Variants in ABCD3 observed in about 807,000 individuals in gnomAD.
ABCD3 encodes the protein ATP binding cassette subfamily D member 3.
ABCD3 carries 41 observed loss-of-function variants against 105.5 expected under a neutral mutation model. That is an observed-to-expected ratio of 0.39 (90% CI 0.30 to 0.50). ABCD3 has a LOEUF of 0.50. Ranked by LOEUF, ABCD3 falls within the 20% of genes least tolerant of loss-of-function variation. ABCD3 has a pLI of 0.84. For missense variants in ABCD3, 622 were observed against 806.3 expected (o/e 0.77, Z 2.77); for synonymous variants, 258 against 269.0 (o/e 0.96, Z 0.40).
chr1:94,436,240 A>AT (rs1659897691), intron 1 of ABCD3, among the ~76,000 whole-genome samples: 1 of 152,202 alleles, frequency 6.6e-6, no homozygotes, highest in Non-Finnish European at 1.5e-5. Context: ...AGATTTCAAG[A>AT]TTTTTTAAAT....
the ABCD3 span, among the ~76,000 whole-genome samples, chr1:94,404,014 G>A: frequency 6.6e-6 from 1 of 152,096 alleles, no homozygotes; most frequent in Non-Finnish European, 1.5e-5. Context: ...ATACCTGTAA[G>A]TACATATACA....
chr1:94,494,853 C>T (rs1557686402), intron 16 of ABCD3, among the ~76,000 whole-genome samples: 1 of 152,006 alleles, frequency 6.6e-6, no homozygotes, highest in Admixed American at 6.6e-5. Context: ...CCAAGGTGGG[C>T]GGATTGCTTG....
At chr1:94,456,468 G>C (rs1322994067) in intron 1 of ABCD3, among the ~76,000 whole-genome samples, 1 of 151,004 alleles carries the variant, frequency 6.6e-6, no homozygotes, top group African/African-American at 2.4e-5. Flanking sequence ...AGTAGAGACA[G>C]AGTTTCACCG....
intron 21 of ABCD3, among the ~76,000 whole-genome samples, chr1:94,512,242 C>A (rs1035512815): frequency 9.2e-5 from 14 of 151,980 alleles, no homozygotes; most frequent in Non-Finnish European, 1.6e-4. Flanking sequence ...TTCTTCTCTT[C>A]TTTCCTCCCT....
the ABCD3 span, among the ~76,000 whole-genome samples, chr1:94,398,777 A>G: frequency 4.4e-3 from 670 of 152,182 alleles, 2 homozygotes; most frequent in African/African-American, 0.015. Flanking sequence ...AGCTGGACAT[A>G]GTGGCGGGCA....
chr1:94,482,900 T>C (rs1413076383), intron 9 of ABCD3: 2 of 415,914 alleles, frequency 4.8e-6, no homozygotes, highest in Non-Finnish European at 8.8e-6. Context: ...TTTCTGAGAA[T>C]TCGTGCAGTA....
the ABCD3 span, among the ~76,000 whole-genome samples, chr1:94,393,428 C>T: frequency 6.6e-6 from 1 of 152,060 alleles, no homozygotes; most frequent in East Asian, 1.9e-4. Flanking sequence ...CACCTGAAGT[C>T]AGGAGTTCAA....
chr1:94,424,839 A>G (rs1234045796), intron 1 of ABCD3, among the ~76,000 whole-genome samples: 1 of 152,230 alleles, frequency 6.6e-6, no homozygotes, highest in Non-Finnish European at 1.5e-5. Flanking sequence ...TGTTTGCAGT[A>G]TATACATACT....
At chr1:94,476,963 A>G (rs1557679307) in intron 7 of ABCD3, among the ~76,000 whole-genome samples, 2 of 151,650 alleles carry the variant, frequency 1.3e-5, no homozygotes, top group African/African-American at 2.4e-5. Context: ...GGGTGTATCT[A>G]TACAACTTTC....
chr1:94,495,212 G>A (rs945368739), intron 16 of ABCD3, among the ~76,000 whole-genome samples: 2 of 152,034 alleles, frequency 1.3e-5, no homozygotes, highest in Non-Finnish European at 2.9e-5. Flanking sequence ...TTAAATTTAT[G>A]TGTAGAATTT....
chr1:94,427,622 T>C (rs1309109199), intron 1 of ABCD3, among the ~76,000 whole-genome samples: 1 of 152,164 alleles, frequency 6.6e-6, no homozygotes, highest in East Asian at 1.9e-4. Flanking sequence ...ACATTTTCTT[T>C]GGAATTTTAT....
intron 1 of ABCD3, among the ~76,000 whole-genome samples, chr1:94,454,777 G>A (rs950865806): frequency 5.9e-5 from 9 of 152,054 alleles, no homozygotes; most frequent in Non-Finnish European, 1.0e-4. Flanking sequence ...TCAGCCTCCC[G>A]AGTAGCTGGG....
intron 16 of ABCD3, among the ~76,000 whole-genome samples, chr1:94,496,672 C>T (rs1649811919): frequency 7.9e-6 from 1 of 127,324 alleles, no homozygotes; most frequent in African/African-American, 3.0e-5. Context: ...GTTCATTCTT[C>T]AGTAAAATCA....
the ABCD3 span, among the ~76,000 whole-genome samples, chr1:94,392,839 C>T: frequency 8.5e-5 from 13 of 152,138 alleles, no homozygotes; most frequent in South Asian, 8.3e-4. Flanking sequence ...GTAGGCTGGG[C>T]GTGGTGGCTC....
intron 1 of ABCD3, among the ~76,000 whole-genome samples, chr1:94,428,069 G>GTTTTTTTTTTTTT (rs199615252): frequency 1.4e-5 from 2 of 145,572 alleles, no homozygotes; most frequent in Non-Finnish European, 1.5e-5. Flanking sequence ...GCTAAAAGGT[G>GTTTTTTTTTTTTT]TTTTGTTTTT....
In ABCD3 at chr1:94,475,212, A is replaced by G. The variant is rs1418623646; in HGVS notation, c.475A>G (p.Thr159Ala). ...TAAACTGTGCTTCCGAGTAAGGCTC[A>G]CTAAATACCTCTATGAGGAGTATCT... ...ELKLCFRVRL[T>A]KYLYEEYLQA... The change falls in exon 6 of 23, where the codon ACT (threonine) becomes GCT (alanine). Residue 159 changes from threonine (T) to alanine (A), a missense_variant. Physicochemically the swap from Thr to Ala is moderately conservative, Grantham distance 58 (BLOSUM62 0). This residue lies in a region of ABCD3 where 245 missense variants were observed against 356.4 expected (regional missense o/e 0.69). Transcript: ENST00000370214. 2 of 1,601,394 alleles carry G rather than the reference A, an allele frequency of 1.2e-6. No homozygotes were observed. Among genetic ancestry groups the G allele is most frequent in the Non-Finnish European group, 1.7e-6 (2 of 1,172,338 alleles).
intron 5 of ABCD3, among the ~76,000 whole-genome samples, chr1:94,474,260 G>A (rs1329432908): frequency 6.7e-6 from 1 of 149,374 alleles, no homozygotes; most frequent in East Asian, 2.0e-4. Context: ...GGATTTAGAG[G>A]GGGGAATGCA....
chr1:94,455,616 C>T (rs570007401), intron 1 of ABCD3: 13 of 331,606 alleles, frequency 3.9e-5, no homozygotes, highest in South Asian at 1.9e-4. Flanking sequence ...TAAGCCACTG[C>T]ACCTGGCAAG....
At chr1:94,401,754 T>C in the ABCD3 span, among the ~76,000 whole-genome samples, 1 of 152,230 alleles carries the variant, frequency 6.6e-6, no homozygotes, top group East Asian at 1.9e-4. Context: ...AAGATCTTTC[T>C]TTTTAAAAAA....
Sources: allele counts gnomAD v4.1 joint callset (sites outside exome capture counted in the v4.1 genomes callset), GRCh38; gene constraint gnomAD v4.1.1; regional missense constraint gnomAD v4.1.1; transcripts MANE v1.5; gene names NCBI Gene and HGNC (gene_info 2026-07-23, HGNC 2026-07-21).